Variants in ANTXR1 observed in about 807,000 individuals in gnomAD.
The protein encoded by ANTXR1 is ANTXR cell adhesion molecule 1.
Under a neutral mutation model 78.1 loss-of-function variants are expected in ANTXR1, and 19 were observed. The observed-to-expected ratio is 0.24, with a 90% CI of 0.17 to 0.36. The LOEUF (loss-of-function observed/expected upper bound fraction) is 0.36, where lower values mean the gene tolerates loss of function less well. Among genes scored for constraint, ANTXR1 ranks in the 10% least tolerant of loss-of-function variants. The pLI, the probability that ANTXR1 is intolerant of heterozygous loss-of-function variation, is 1.00. For synonymous variants in ANTXR1, 273 were observed against 260.5 expected, an observed-to-expected ratio of 1.05 and a Z score of -0.46; for missense variants, 518 against 718.6, an observed-to-expected ratio of 0.72 and a Z score of 3.19.
In ANTXR1 at chr2:69,245,260, C is replaced by T. The variant is rs1304725347; in HGVS notation, c.1470C>T (p.Asn490=). 6 of 1,613,942 alleles carry T rather than the reference C, an allele frequency of 3.7e-6. No homozygotes were observed. The highest frequency in any genetic ancestry group is 3.4e-6 in the Non-Finnish European group (4 of 1,179,978). ...RCINFTRVKN[N]QPAKYPLNNA... is the part of the protein sequence containing the mutation. Reference sequence around the variant, plus strand: ...TCAACTTCACCAGGGTCAAGAACAACCAGCCAGCCAAGTACCCACTCAACA... The same window carrying T: ...TCAACTTCACCAGGGTCAAGAACAATCAGCCAGCCAAGTACCCACTCAACA... The change falls in exon 18 of 18, where the codon AAC becomes AAT. Residue 490 remains asparagine (N), a synonymous_variant. Coordinates refer to ENST00000303714, the MANE Select transcript of ANTXR1 (RefSeq NM_032208.3).
chr2:69,179,819 T>C (rs751527480), intron 14 of ANTXR1, among the ~76,000 whole-genome samples: 1 of 152,220 alleles, frequency 6.6e-6, no homozygotes, highest in South Asian at 2.1e-4. Context: ...TAATAATACA[T>C]TTAAAGTGCT....
intron 17 of ANTXR1, among the ~76,000 whole-genome samples, chr2:69,195,163 T>C (rs1489893538): frequency 7.3e-6 from 1 of 136,966 alleles, no homozygotes; most frequent in East Asian, 2.1e-4. Context: ...CAAGACTCTG[T>C]CTCAAAAAAA....
At chr2:69,182,818 T>A (rs1674311379) in intron 16 of ANTXR1, 158 bp downstream of exon 16, 1 of 944,140 alleles carries the variant, frequency 1.1e-6, no homozygotes, top group Non-Finnish European at 1.6e-6. Context: ...TACTAGTAAT[T>A]ACTTTGTCAA....
chr2:69,211,091 T>G (rs778004685), intron 17 of ANTXR1, among the ~76,000 whole-genome samples: 1 of 152,150 alleles, frequency 6.6e-6, no homozygotes, highest in Non-Finnish European at 1.5e-5. Context: ...AGGTGTTACC[T>G]AAGATTTTCC....
At chr2:69,188,482 A>G (rs1365312924) in intron 16 of ANTXR1, among the ~76,000 whole-genome samples, 1 of 152,270 alleles carries the variant, frequency 6.6e-6, no homozygotes, top group Non-Finnish European at 1.5e-5. Context: ...GCTAGAGTTT[A>G]CATAGAACTT....
chr2:69,234,771 TA>T (rs1238061132), intron 17 of ANTXR1, among the ~76,000 whole-genome samples: 1 of 151,866 alleles, frequency 6.6e-6, no homozygotes, highest in Non-Finnish European at 1.5e-5. Flanking sequence ...CTCAAAAATT[TA>T]AAAAATTTAT....
intron 3 of ANTXR1, among the ~76,000 whole-genome samples, chr2:69,048,678 ATTCTG>A (rs1295681565): frequency 1.3e-5 from 2 of 152,108 alleles, no homozygotes; most frequent in Non-Finnish European, 2.9e-5. Context: ...TGGATTTTCT[ATTCTG>A]TTCTGTTTTT....
intron 17 of ANTXR1, among the ~76,000 whole-genome samples, chr2:69,230,820 T>G (rs1187976853): frequency 6.6e-6 from 1 of 152,164 alleles, no homozygotes; most frequent in Non-Finnish European, 1.5e-5. Context: ...AACTTTTATT[T>G]TAGGTTTGGG....
chr2:69,065,056 A>C (rs78365770), intron 3 of ANTXR1, among the ~76,000 whole-genome samples: 2,406 of 152,246 alleles, frequency 0.016, 35 homozygotes, highest in Non-Finnish European at 0.026. Flanking sequence ...TAATAGAAGA[A>C]GACAAATAAT....
chr2:69,151,773 A>C (rs1261600117), intron 12 of ANTXR1, among the ~76,000 whole-genome samples: 1 of 152,132 alleles, frequency 6.6e-6, no homozygotes, highest in African/African-American at 2.4e-5. Context: ...TTCAGAGTAC[A>C]ATGGTCCTGA....
chr2:69,192,938 G>A (rs1355295863), intron 16 of ANTXR1, among the ~76,000 whole-genome samples: 1 of 152,138 alleles, frequency 6.6e-6, no homozygotes, highest in African/African-American at 2.4e-5. Context: ...TTTATCATTA[G>A]TGTCTTTACT....
chr2:69,235,727 T>TCTGTG (rs1460563770), intron 17 of ANTXR1, among the ~76,000 whole-genome samples: 2 of 148,720 alleles, frequency 1.3e-5, no homozygotes, highest in African/African-American at 5.0e-5. Flanking sequence ...TTATTTAACT[T>TCTGTG]CTGTACATCA....
chr2:69,100,866 G>A (rs1671589981), intron 9 of ANTXR1, among the ~76,000 whole-genome samples: 1 of 152,194 alleles, frequency 6.6e-6, no homozygotes, highest in Non-Finnish European at 1.5e-5. Flanking sequence ...CAGACATCTA[G>A]AGAAAACTAC....
rs70954338 is a variant in ANTXR1 at position 69,193,464 on chromosome 2, TACAC to T, written c.1434+73_1434+76del. The T allele has an allele frequency of 5.6e-4, 595 of 1,071,156 alleles. 1 individual carries two copies. Among genetic ancestry groups the T allele is most frequent in the Non-Finnish European group, 6.9e-4 (486 of 700,916 alleles). 66.4% of individuals were successfully genotyped at this position (1,071,156 alleles called of 1,614,324 possible). On this transcript the variant is annotated intron_variant, in intron 17 of 17. Coordinates refer to ENST00000303714, the MANE Select transcript of ANTXR1 (RefSeq NM_032208.3). ...GGTGTCTCTCTCTCTCTCTCTCACA[TACAC>T]ACACACACACACACACACACACATA...
chr2:69,237,581 A>G lies in ANTXR1; in HGVS notation c.1435-7644A>G, dbSNP rs115099714. Among the ~76,000 whole-genome samples, 161 of 152,180 alleles carry G rather than the reference A, an allele frequency of 1.1e-3. 1 individual carries two copies. The highest frequency in any genetic ancestry group is 3.6e-3 in the African/African-American group (150 of 41,528). ...AGCTAGGGCTAAAGGCACACACATC[A>G]GGCTAATTTTTTTTATTTTTTGTAG... On this transcript the variant is annotated intron_variant, in intron 17 of 17. Coordinates refer to ENST00000303714, the MANE Select transcript of ANTXR1 (RefSeq NM_032208.3).
At chr2:69,130,385 T>C (rs1308445807) in intron 12 of ANTXR1, among the ~76,000 whole-genome samples, 1 of 152,230 alleles carries the variant, frequency 6.6e-6, no homozygotes, top group Non-Finnish European at 1.5e-5. Context: ...AGCGGATCCA[T>C]GTCATATCAC....
At chr2:69,023,210 A>T (rs1395331023) in intron 1 of ANTXR1, among the ~76,000 whole-genome samples, 1 of 152,236 alleles carries the variant, frequency 6.6e-6, no homozygotes, top group Non-Finnish European at 1.5e-5. Context: ...TGTTGTAAAG[A>T]TTAAAACCTT....
At chr2:69,112,129 C>G (rs1459011435) in intron 10 of ANTXR1, among the ~76,000 whole-genome samples, 1 of 152,118 alleles carries the variant, frequency 6.6e-6, no homozygotes, top group Non-Finnish European at 1.5e-5. Flanking sequence ...CATGGGGATG[C>G]CCATCAGAAT....
intron 17 of ANTXR1, among the ~76,000 whole-genome samples, chr2:69,205,712 T>C (rs891495129): frequency 1.3e-5 from 2 of 151,760 alleles, no homozygotes; most frequent in Non-Finnish European, 2.9e-5. Flanking sequence ...GCAAACTTCA[T>C]AGGAAACTGC....
Sources: allele counts gnomAD v4.1 joint callset (sites outside exome capture counted in the v4.1 genomes callset), GRCh38; gene constraint gnomAD v4.1.1; transcripts MANE v1.5; gene names NCBI Gene and HGNC (gene_info 2026-07-23, HGNC 2026-07-21).